SAMSN1: variants seen among roughly 807,000 people sequenced by gnomAD.
The protein encoded by SAMSN1 is SAM domain, SH3 domain and nuclear localization signals 1, also known as SAM domain-containing protein SAMSN-1.
A neutral mutation model predicts 42.0 loss-of-function variants in SAMSN1; 31 were observed. The ratio of observed to expected loss-of-function variants is 0.74; its 90% CI spans 0.55 to 1.00. SAMSN1 has a LOEUF of 1.00. SAMSN1 is among the 50% of genes least tolerant of loss of function. The probability of loss-of-function intolerance (pLI) is 0.00; values close to 1 mark genes in which losing one functional copy is unlikely to be tolerated. For missense variants in SAMSN1, 464 were observed against 439.4 expected, an observed-to-expected ratio of 1.06 and a Z score of -0.50; for synonymous variants, 178 against 151.9, an observed-to-expected ratio of 1.17 and a Z score of -1.26.
At chr21:14,569,382 T>A (rs1385284315) in intron 2 of SAMSN1, among the ~76,000 whole-genome samples, 2 of 152,212 alleles carry the variant, frequency 1.3e-5, no homozygotes, top group Non-Finnish European at 2.9e-5. Context: ...TGAATTCATT[T>A]TGGCCGACTG....
chr21:14,499,810 G>T (rs1448378926), intron 6 of SAMSN1, among the ~76,000 whole-genome samples: 1 of 151,968 alleles, frequency 6.6e-6, no homozygotes, highest in African/African-American at 2.4e-5. Flanking sequence ...AGATAATTCA[G>T]AAAAAAACAA....
chr21:14,553,483 T>C (rs1980664785), intron 2 of SAMSN1, among the ~76,000 whole-genome samples: 1 of 152,164 alleles, frequency 6.6e-6, no homozygotes, highest in Admixed American at 6.5e-5. Context: ...TGTTCTAATG[T>C]GGTTTAGTTG....
intron 6 of SAMSN1, among the ~76,000 whole-genome samples, chr21:14,599,391 T>C (rs1359110066): frequency 6.6e-6 from 1 of 152,170 alleles, no homozygotes; most frequent in Admixed American, 6.6e-5. Flanking sequence ...GTGAAGAAGG[T>C]GCCTGCTTCT....
intron 4 of SAMSN1, among the ~76,000 whole-genome samples, chr21:14,611,047 T>G (rs9976672): frequency 6.6e-6 from 1 of 152,112 alleles, no homozygotes; most frequent in African/African-American, 2.4e-5. Context: ...TGCCTCAATT[T>G]CCCAAGTAGC....
chr21:14,564,907 T>C (rs894490137), intron 2 of SAMSN1, among the ~76,000 whole-genome samples: 3 of 151,804 alleles, frequency 2.0e-5, no homozygotes, highest in Non-Finnish European at 2.9e-5. Flanking sequence ...CAAAACAGGG[T>C]TCAGGAATCA....
chr21:14,616,084 G>A lies in SAMSN1; in HGVS notation c.157-68C>T, dbSNP rs375894729. The A allele has an allele frequency of 1.1e-4, 51 of 454,580 alleles. No homozygotes were observed. The East Asian group carries it at 1.3e-3, about 11-fold the overall frequency. The allele number at this position is 454,580 out of a possible 1,614,324, so 28.2% of individuals were successfully genotyped here. On this transcript the variant is annotated intron_variant, in intron 2 of 15. Transcript: ENST00000647101. ...AAAATAAGACAAAACTATATCAAGAGATCTGAAAGAGAATTCATTCATTTT... is the reference window on the plus strand; with the variant it reads ...AAAATAAGACAAAACTATATCAAGAAATCTGAAAGAGAATTCATTCATTTT...
At chr21:14,636,245 T>C (rs897246487) in intron 2 of SAMSN1, among the ~76,000 whole-genome samples, 4 of 152,188 alleles carry the variant, frequency 2.6e-5, no homozygotes, top group African/African-American at 9.7e-5. Flanking sequence ...AGAACATATT[T>C]AGCACATGTA....
intron 3 of SAMSN1, among the ~76,000 whole-genome samples, chr21:14,614,143 G>A (rs1456980773): frequency 6.6e-6 from 1 of 152,164 alleles, no homozygotes; most frequent in Non-Finnish European, 1.5e-5. Flanking sequence ...GCAATTTAAT[G>A]TCATTTGTCT....
intron 3 of SAMSN1, among the ~76,000 whole-genome samples, chr21:14,515,170 C>T (rs1472145142): frequency 3.3e-5 from 5 of 152,142 alleles, no homozygotes; most frequent in African/African-American, 1.2e-4. Context: ...ACCATTGGAC[C>T]TGGCAACACA....
intron 2 of SAMSN1, among the ~76,000 whole-genome samples, chr21:14,580,395 T>C (rs1158747041): frequency 6.6e-6 from 1 of 152,226 alleles, no homozygotes; most frequent in Non-Finnish European, 1.5e-5. Context: ...ACTATTTGTG[T>C]TCAGATGCCT....
intron 1 of SAMSN1, among the ~76,000 whole-genome samples, chr21:14,535,759 T>C (rs2123114943): frequency 6.6e-6 from 1 of 152,278 alleles, no homozygotes; most frequent in East Asian, 1.9e-4. Flanking sequence ...GCCATCTACA[T>C]GTCAAAAAGA....
chr21:14,653,546 C>A (rs1418371437), intron 1 of SAMSN1, among the ~76,000 whole-genome samples: 6 of 151,712 alleles, frequency 4.0e-5, no homozygotes, highest in Admixed American at 1.3e-4. Flanking sequence ...TTAATGGGTA[C>A]AAAGCAATAG....
Position 14,546,295 on chromosome 21 carries a change from T to C in SAMSN1, c.-34A>G, listed in dbSNP as rs1383710737. 1.2e-6 allele frequency: 2 copies of C among 1,612,054 alleles called. No homozygotes were observed. Among genetic ancestry groups the C allele is most frequent in the African/African-American group, 2.7e-5 (2 of 74,850 alleles). ...CTGACTACTCCTAGTGAGTGCACTT[T>C]CTGCTGTTACAGAAACAACTGAAAA... On this transcript the variant is annotated 5_prime_UTR_variant, in exon 1 of 8. Transcript: ENST00000400566.
chr21:14,515,894 C>T (rs1209416978), intron 3 of SAMSN1, among the ~76,000 whole-genome samples: 1 of 152,176 alleles, frequency 6.6e-6, no homozygotes, highest in Non-Finnish European at 1.5e-5. Flanking sequence ...TGAAAAGATT[C>T]TTGACATTAT....
At chr21:14,653,736 T>C (rs1465159841) in intron 1 of SAMSN1, among the ~76,000 whole-genome samples, 1 of 152,012 alleles carries the variant, frequency 6.6e-6, no homozygotes, top group Non-Finnish European at 1.5e-5. Context: ...ACATTGCATG[T>C]CTGTATCAAA....
intron 2 of SAMSN1, among the ~76,000 whole-genome samples, chr21:14,571,277 G>A (rs2123219354): frequency 1.3e-5 from 2 of 152,254 alleles, no homozygotes; most frequent in South Asian, 2.1e-4. Context: ...ACAAATTGTT[G>A]AGTAAATGAA....
intron 1 of SAMSN1, among the ~76,000 whole-genome samples, chr21:14,530,398 T>C (rs979835234): frequency 4.6e-5 from 7 of 151,128 alleles, no homozygotes; most frequent in African/African-American, 1.7e-4. Flanking sequence ...GTAAGAAAGG[T>C]AGTGGAACAT....
At chr21:14,632,449 T>G (rs1983355417) in intron 2 of SAMSN1, among the ~76,000 whole-genome samples, 1 of 152,170 alleles carries the variant, frequency 6.6e-6, no homozygotes, top group Admixed American at 6.6e-5. Context: ...GTGCACAAAT[T>G]TATACAAATA....
chr21:14,569,687 C>T (rs1446607608), intron 2 of SAMSN1, among the ~76,000 whole-genome samples: 2 of 152,086 alleles, frequency 1.3e-5, no homozygotes, highest in Non-Finnish European at 2.9e-5. Context: ...TGGGAACTGG[C>T]CAAAGAAACA....
Sources: allele counts gnomAD v4.1 joint callset (sites outside exome capture counted in the v4.1 genomes callset), GRCh38; gene constraint gnomAD v4.1.1; transcripts MANE v1.5; gene names NCBI Gene and HGNC (gene_info 2026-07-23, HGNC 2026-07-21).